Variants in TAFA1 observed in about 807,000 individuals in gnomAD.
TAFA1 encodes the protein chemokine-like protein TAFA-1.
In TAFA1, 4 loss-of-function variants were observed where a neutral mutation model predicts 18.5. The observed-to-expected ratio is 0.22, with a 90% CI of 0.11 to 0.49. The LOEUF is 0.49. Among genes scored for constraint, TAFA1 ranks in the 20% least tolerant of loss-of-function variants. The pLI is 0.98. For synonymous variants in TAFA1, 56 were observed against 55.2 expected, an observed-to-expected ratio of 1.01 and a Z score of -0.06; for missense variants, 147 against 169.0, an observed-to-expected ratio of 0.87 and a Z score of 0.72.
intron 2 of TAFA1, among the ~76,000 whole-genome samples, chr3:68,276,091 A>G (rs2067790570): frequency 6.6e-6 from 1 of 152,096 alleles, no homozygotes; most frequent in Admixed American, 6.6e-5. Context: ...TTAAAATTCT[A>G]AGACTAGAAA....
intron 2 of TAFA1, among the ~76,000 whole-genome samples, chr3:68,168,150 A>C (rs1196310281): frequency 2.0e-5 from 3 of 150,620 alleles, no homozygotes; most frequent in African/African-American, 7.3e-5. Context: ...GATACAAAAA[A>C]AAAAAAAAAA....
intron 2 of TAFA1, among the ~76,000 whole-genome samples, chr3:68,221,497 T>A (rs549415064): frequency 4.3e-4 from 66 of 152,276 alleles, no homozygotes; most frequent in African/African-American, 1.5e-3. Context: ...TTTGCAACAA[T>A]ATCATTTTTT....
At chr3:68,078,371 T>C (rs543697053) in intron 2 of TAFA1, among the ~76,000 whole-genome samples, 1 of 151,934 alleles carries the variant, frequency 6.6e-6, no homozygotes, top group Non-Finnish European at 1.5e-5. Flanking sequence ...GTGAGAGAGG[T>C]CATCCCTGTC....
intron 2 of TAFA1, among the ~76,000 whole-genome samples, chr3:68,007,412 C>A (rs763077084): frequency 2.0e-5 from 3 of 152,166 alleles, no homozygotes; most frequent in Admixed American, 1.3e-4. Flanking sequence ...GTATATTTCT[C>A]ACCCTTCCAC....
intron 2 of TAFA1, among the ~76,000 whole-genome samples, chr3:68,296,324 G>A (rs1431216928): frequency 2.0e-5 from 3 of 152,124 alleles, no homozygotes; most frequent in Non-Finnish European, 2.9e-5. Flanking sequence ...TAGCCTCTCA[G>A]GAGAATTACT....
intron 2 of TAFA1, among the ~76,000 whole-genome samples, chr3:68,204,111 C>T (rs1230129509): frequency 6.6e-6 from 1 of 151,690 alleles, no homozygotes; most frequent in African/African-American, 2.4e-5. Flanking sequence ...TCTGTATCCA[C>T]CTATCTGTCT....
chr3:68,008,664 G>A (rs1704411999), intron 2 of TAFA1, among the ~76,000 whole-genome samples: 1 of 152,166 alleles, frequency 6.6e-6, no homozygotes, highest in Non-Finnish European at 1.5e-5. Flanking sequence ...GAGTGACCAT[G>A]CCAAATAGCT....
At chr3:68,287,907 T>TGGGGG (rs35069967) in intron 2 of TAFA1, among the ~76,000 whole-genome samples, 4 of 51,948 alleles carry the variant, frequency 7.7e-5, no homozygotes, top group Non-Finnish European at 1.8e-4. Context: ...TTGTTTTTGT[T>TGGGGG]GGGGGGTGGG....
intron 2 of TAFA1, among the ~76,000 whole-genome samples, chr3:68,036,169 G>A (rs1047132275): frequency 5.9e-5 from 9 of 152,138 alleles, no homozygotes; most frequent in African/African-American, 1.7e-4. Flanking sequence ...AGCCAGGCAC[G>A]CTGTCTCACT....
chr3:68,182,813 T>C (rs1187243627), intron 2 of TAFA1, among the ~76,000 whole-genome samples: 1 of 152,212 alleles, frequency 6.6e-6, no homozygotes, highest in Non-Finnish European at 1.5e-5. Flanking sequence ...GCCAATTTAG[T>C]TTATTATTTA....
At chr3:68,288,289 A>T (rs2068050447) in intron 2 of TAFA1, among the ~76,000 whole-genome samples, 1 of 152,210 alleles carries the variant, frequency 6.6e-6, no homozygotes, top group Admixed American at 6.5e-5. Context: ...CCATAGGCGC[A>T]AAAAGAACAT....
chr3:68,499,444 TTC>T lies in TAFA1; in HGVS notation c.260-39310_260-39309del, dbSNP rs1212914404. On this transcript the variant is annotated intron_variant, in intron 3 of 4. Coordinates refer to ENST00000478136, the MANE Select transcript of TAFA1 (RefSeq NM_213609.4). ...TTGTTTTCTTTCTTTCTGTGTTCCT[TTC>T]TTTTTTTTTTTTTTTTTTGAGAAGA... Among the ~76,000 whole-genome samples the T allele has an allele frequency of 1.1e-4, 7 of 65,184 alleles. 1 individual carries two copies. The South Asian group carries it at 1.1e-3, about 10-fold the overall frequency. 42.8% of individuals were successfully genotyped at this position (65,184 alleles called of 152,430 possible).
chr3:68,442,301 G>A (rs1439075274), intron 3 of TAFA1, among the ~76,000 whole-genome samples: 3 of 152,122 alleles, frequency 2.0e-5, no homozygotes, highest in East Asian at 1.9e-4. Context: ...GAATCCCAAC[G>A]TGGCAAAGGG....
intron 3 of TAFA1, among the ~76,000 whole-genome samples, chr3:68,491,450 A>C (rs1363506697): frequency 6.6e-6 from 1 of 150,800 alleles, no homozygotes; most frequent in Non-Finnish European, 1.5e-5. Flanking sequence ...ACAAAAAACC[A>C]AACACCGCAT....
intron 2 of TAFA1, among the ~76,000 whole-genome samples, chr3:68,211,242 G>T (rs553783286): frequency 1.3e-5 from 2 of 152,124 alleles, no homozygotes; most frequent in African/African-American, 4.8e-5. Flanking sequence ...ATACCAGGTG[G>T]CAATAATCAC....
intron 2 of TAFA1, among the ~76,000 whole-genome samples, chr3:68,373,350 T>G (rs1158287491): frequency 6.6e-6 from 1 of 152,182 alleles, no homozygotes; most frequent in Non-Finnish European, 1.5e-5. Flanking sequence ...TCAGAAATCA[T>G]GAGTAACTAA....
intron 2 of TAFA1, among the ~76,000 whole-genome samples, chr3:68,019,346 A>G (rs1704637797): frequency 2.0e-5 from 3 of 152,190 alleles, no homozygotes; most frequent in Non-Finnish European, 4.4e-5. Context: ...TTGTTTCCCA[A>G]TAAATTCTTT....
intron 2 of TAFA1, among the ~76,000 whole-genome samples, chr3:68,239,558 A>G (rs1330369312): frequency 1.3e-5 from 2 of 152,170 alleles, no homozygotes; most frequent in Non-Finnish European, 2.9e-5. Flanking sequence ...AAACAAAAAC[A>G]GTCACCATGA....
Position 68,478,484 on chromosome 3 carries a change from A to T in TAFA1, c.260-60272A>T, listed in dbSNP as rs1195188666. 3.9e-5 allele frequency among the ~76,000 whole-genome samples: 6 copies of T among 152,364 alleles called. No individual in the cohort carries two copies. In the East Asian group the frequency reaches 1.2e-3, roughly 29 times the overall value. On this transcript the variant is annotated intron_variant, in intron 3 of 4. Coordinates refer to ENST00000478136, the MANE Select transcript of TAFA1 (RefSeq NM_213609.4). ...TCTGCAAAATATGGGATCATGTCTC[A>T]ATGAATATTTATTCACCTTCCATAA...
Sources: allele counts gnomAD v4.1 joint callset (sites outside exome capture counted in the v4.1 genomes callset), GRCh38; gene constraint gnomAD v4.1.1; transcripts MANE v1.5; gene names NCBI Gene and HGNC (gene_info 2026-07-23, HGNC 2026-07-21).